Variants in NPAS2 observed in about 807,000 individuals in gnomAD.
The protein encoded by NPAS2 is neuronal PAS domain-containing protein 2.
NPAS2 carries 23 observed loss-of-function variants against 107.5 expected under a neutral mutation model. That is an observed-to-expected ratio of 0.21 (90% CI 0.15 to 0.30). The LOEUF is 0.30. Among genes scored for constraint, NPAS2 ranks in the 10% least tolerant of loss-of-function variants. The pLI is 1.00. For synonymous variants in NPAS2, 403 were observed against 417.5 expected, an observed-to-expected ratio of 0.97 and a Z score of 0.42; for missense variants, 756 against 1,043.3, an observed-to-expected ratio of 0.72 and a Z score of 3.79.
At chr2:100,971,617 A>G (rs1221189507) in intron 12 of NPAS2, among the ~76,000 whole-genome samples, 1 of 152,144 alleles carries the variant, frequency 6.6e-6, no homozygotes, top group African/African-American at 2.4e-5. Flanking sequence ...GTTAGTGAAC[A>G]TCATGCTGGA....
intron 3 of NPAS2, among the ~76,000 whole-genome samples, 172 bp from the exon 4 acceptor site, chr2:100,932,738 C>T (rs891709168): frequency 3.3e-5 from 5 of 151,656 alleles, no homozygotes; most frequent in South Asian, 2.1e-4. Context: ...TGAGAACATC[C>T]GAAGCTCCCA....
chr2:100,976,042 A>G lies in NPAS2; in HGVS notation c.1392+475A>G, dbSNP rs949592476. 4.6e-5 allele frequency among the ~76,000 whole-genome samples: 7 copies of G among 152,182 alleles called. No homozygotes were observed. Among genetic ancestry groups the G allele is most frequent in the African/African-American group, 1.4e-4 (6 of 41,452 alleles). ...CCTGGCTATATGTAAAGTCACTGGC[A>G]TGCACCACTCTGGTCATCTATTGCC... On this transcript the variant is annotated intron_variant, in intron 14 of 20. Coordinates refer to ENST00000335681, the MANE Select transcript of NPAS2 (RefSeq NM_002518.4). The surrounding 1 kb of genome is among the most constrained non-coding windows in gnomAD (Gnocchi z 4.1).
At chr2:100,943,378 T>C (rs949094328) in intron 5 of NPAS2, among the ~76,000 whole-genome samples, 1 of 152,220 alleles carries the variant, frequency 6.6e-6, no homozygotes, top group East Asian at 1.9e-4. Flanking sequence ...GACATCCTCT[T>C]TGATTGGGTT....
intron 1 of NPAS2, among the ~76,000 whole-genome samples, chr2:100,837,889 G>A (rs1677164962): frequency 6.6e-6 from 1 of 152,156 alleles, no homozygotes; most frequent in African/African-American, 2.4e-5. Flanking sequence ...GACAGAGCTG[G>A]ACGAGACCTT....
At chr2:100,869,001 A>G (rs1423610095) in intron 1 of NPAS2, among the ~76,000 whole-genome samples, 1 of 152,134 alleles carries the variant, frequency 6.6e-6, no homozygotes, top group Admixed American at 6.5e-5. Context: ...GTGTAATCTC[A>G]GCTCGCTGCA....
At chr2:100,882,781 T>C (rs953367795) in intron 1 of NPAS2, among the ~76,000 whole-genome samples, 2 of 152,216 alleles carry the variant, frequency 1.3e-5, no homozygotes, top group Non-Finnish European at 2.9e-5. Context: ...TCTCTCTCTC[T>C]GTCTCTGTCT....
chr2:100,844,893 T>A (rs1469424711), intron 1 of NPAS2, among the ~76,000 whole-genome samples: 1 of 152,058 alleles, frequency 6.6e-6, no homozygotes, highest in Non-Finnish European at 1.5e-5. Flanking sequence ...TGAGAGACAT[T>A]GTACTGTGGG....
In NPAS2 at chr2:100,838,493, G is replaced by C. The variant is rs998717600; in HGVS notation, c.-23+18079G>C. Among the ~76,000 whole-genome samples the C allele has an allele frequency of 3.9e-5, 6 of 152,078 alleles. 1 individual carries two copies. Among genetic ancestry groups the C allele is most frequent in the Admixed American group, 2.6e-4 (4 of 15,274 alleles). ...AGGTTTCACCATGTTACCCAGGCTG[G>C]TCTCGAATTCCTGACCTCAGGTGAT... On this transcript the variant is annotated intron_variant, in intron 1 of 20. Coordinates refer to ENST00000335681, the MANE Select transcript of NPAS2 (RefSeq NM_002518.4).
chr2:100,843,432 C>T (rs1677574671), intron 1 of NPAS2, among the ~76,000 whole-genome samples: 1 of 152,044 alleles, frequency 6.6e-6, no homozygotes, highest in Admixed American at 6.6e-5. Context: ...ATTGAGGGGG[C>T]AGGTAAGAAG....
chr2:100,901,602 G>A (rs1255167267), intron 1 of NPAS2: 1 of 959,682 alleles, frequency 1.0e-6, no homozygotes, highest in Non-Finnish European at 1.2e-6. Flanking sequence ...GAGATCAGAG[G>A]GTGGGTGGAG....
intron 1 of NPAS2, among the ~76,000 whole-genome samples, chr2:100,884,082 G>C (rs994157051): frequency 6.6e-6 from 1 of 152,186 alleles, no homozygotes; most frequent in African/African-American, 2.4e-5. Context: ...GCAGGTGCTC[G>C]AGAGAACTTG....
At chr2:100,928,850 A>G (rs1683752348) in intron 3 of NPAS2, among the ~76,000 whole-genome samples, 2 of 152,220 alleles carry the variant, frequency 1.3e-5, no homozygotes, top group African/African-American at 2.4e-5. Context: ...TGAGCTGGGC[A>G]ATATTCTAAG....
intron 2 of NPAS2, among the ~76,000 whole-genome samples, chr2:100,917,606 TAGC>T (rs1488689491): frequency 6.6e-6 from 1 of 152,170 alleles, no homozygotes; most frequent in African/African-American, 2.4e-5. Context: ...GATTTATCAA[TAGC>T]AGGAATAAGA....
intron 1 of NPAS2, chr2:100,821,071 C>T (rs1676041575): frequency 6.1e-6 from 8 of 1,304,130 alleles, no homozygotes; most frequent in Non-Finnish European, 8.1e-6. Context: ...CTTTCCCAGC[C>T]GAGGAGGGAC....
intron 1 of NPAS2, among the ~76,000 whole-genome samples, chr2:100,854,768 C>A (rs1678451380): frequency 1.3e-5 from 2 of 152,112 alleles, no homozygotes; most frequent in African/African-American, 4.8e-5. Context: ...AACTGAAGCC[C>A]CACAAAGGGA....
intron 2 of NPAS2, among the ~76,000 whole-genome samples, chr2:100,909,783 C>T (rs1682425059): frequency 6.6e-6 from 1 of 151,482 alleles, no homozygotes; most frequent in East Asian, 1.9e-4. Context: ...ATTGTGAGAA[C>T]GCAGGAGGTA....
At chr2:100,858,824 G>A (rs1436113180) in intron 1 of NPAS2, among the ~76,000 whole-genome samples, 4 of 152,178 alleles carry the variant, frequency 2.6e-5, no homozygotes, top group East Asian at 1.9e-4. Flanking sequence ...CAGTGTGCAC[G>A]CCCCGTCCTG....
intron 7 of NPAS2, 81 bp from the exon 8 acceptor site, chr2:100,963,977 T>C (rs1414715134): frequency 2.4e-6 from 2 of 831,072 alleles, no homozygotes; most frequent in Non-Finnish European, 4.1e-6. Flanking sequence ...GCGCTTGGCT[T>C]ACAGTTAAGT....
At chr2:100,959,105 AAAAAC>A (rs1459867586) in intron 7 of NPAS2, among the ~76,000 whole-genome samples, 2 of 61,684 alleles carry the variant, frequency 3.2e-5, no homozygotes, top group South Asian at 5.2e-4. Context: ...AAAAAAAAAA[AAAAAC>A]AAAACTAAAA....
Sources: gnomAD v4.1 joint callset for allele counts (sites outside exome capture counted in the v4.1 genomes callset) on GRCh38, gnomAD v4.1.1 for gene constraint, Gnocchi (gnomAD v3.1) non-coding constraint, MANE v1.5 for transcripts, NCBI Gene and HGNC (gene_info 2026-07-23, HGNC 2026-07-21) for gene names.